TRPM3: variants seen among roughly 807,000 people sequenced by gnomAD.
The protein encoded by TRPM3 is transient receptor potential cation channel subfamily M member 3, also known as long transient receptor potential channel 3.
A neutral mutation model predicts 181.2 loss-of-function variants in TRPM3; 77 were observed. The ratio of observed to expected loss-of-function variants is 0.42; its 90% CI spans 0.35 to 0.51. The LOEUF is 0.51. Among genes scored for constraint, TRPM3 ranks in the 20% least tolerant of loss-of-function variants. The pLI is 0.01. For synonymous variants in TRPM3, 745 were observed against 796.4 expected, an observed-to-expected ratio of 0.94 and a Z score of 1.09; for missense variants, 1,759 against 2,196.7, an observed-to-expected ratio of 0.80 and a Z score of 3.98.
intron 21 of TRPM3, among the ~76,000 whole-genome samples, chr9:70,592,607 T>C (rs2058308203): frequency 6.6e-6 from 1 of 152,182 alleles, no homozygotes; most frequent in South Asian, 2.1e-4. Context: ...AAACATAGAA[T>C]ACAAAAGACT....
At chr9:70,614,315 T>TAAAGAAAAAAAAA (rs2062437302) in intron 18 of TRPM3, among the ~76,000 whole-genome samples, 1 of 126,638 alleles carries the variant, frequency 7.9e-6, no homozygotes, top group Non-Finnish European at 1.7e-5. Context: ...GGCAATCTCT[T>TAAAGAAAAAAAAA]AAAAAAAAAA....
chr9:70,799,152 T>C (rs79987363), intron 6 of TRPM3, among the ~76,000 whole-genome samples: 1,722 of 152,328 alleles, frequency 0.011, 31 homozygotes, highest in African/African-American at 0.039. Flanking sequence ...AAAACTATTA[T>C]TTCCTCCAGC....
At chr9:70,881,508 C>A (rs1213075353) in intron 1 of TRPM3, among the ~76,000 whole-genome samples, 1 of 152,160 alleles carries the variant, frequency 6.6e-6, no homozygotes, top group Non-Finnish European at 1.5e-5. Flanking sequence ...TATGACTTAA[C>A]GCATTGTTTC....
At chr9:71,211,627 C>G (rs536356080) in intron 1 of TRPM3, among the ~76,000 whole-genome samples, 1 of 152,282 alleles carries the variant, frequency 6.6e-6, no homozygotes, top group Non-Finnish European at 1.5e-5. Context: ...TCTCTCCTAT[C>G]TTCTGGTGAT....
chr9:71,084,352 G>T (rs554830146), intron 1 of TRPM3, among the ~76,000 whole-genome samples: 1 of 152,134 alleles, frequency 6.6e-6, no homozygotes, highest in African/African-American at 2.4e-5. Flanking sequence ...AAGTGATCTT[G>T]GGCATGAATG....
intron 1 of TRPM3, among the ~76,000 whole-genome samples, chr9:70,936,711 G>A (rs1349146135): frequency 6.6e-6 from 1 of 152,264 alleles, no homozygotes; most frequent in East Asian, 1.9e-4. Flanking sequence ...TCTTCACCCA[G>A]TAAATAGATT....
intron 1 of TRPM3, among the ~76,000 whole-genome samples, chr9:71,220,983 T>C (rs896992313): frequency 6.6e-6 from 1 of 152,048 alleles, no homozygotes; most frequent in Non-Finnish European, 1.5e-5. Context: ...AATTCCAAGG[T>C]AGTACAATGT....
rs192167684 is a variant in TRPM3 at position 71,270,329 on chromosome 9, G to A, written c.183+176324C>T. On this transcript the variant is annotated intron_variant, in intron 1 of 24. Transcript: ENST00000357533. Reference sequence around the variant, plus strand: ...GGTGCCACTGCACTCTAGCCTGGGCGACAAGAGCGAGACTCCATCTCAAAA... The same window carrying A: ...GGTGCCACTGCACTCTAGCCTGGGCAACAAGAGCGAGACTCCATCTCAAAA... Among the ~76,000 whole-genome samples the A allele has an allele frequency of 2.1e-3, 317 of 152,246 alleles. 1 individual carries two copies. Among genetic ancestry groups the A allele is most frequent in the African/African-American group, 7.3e-3 (304 of 41,544 alleles).
At chr9:70,622,339 G>T (rs982927357) in intron 14 of TRPM3, among the ~76,000 whole-genome samples, 1 of 152,194 alleles carries the variant, frequency 6.6e-6, no homozygotes, top group Non-Finnish European at 1.5e-5. Flanking sequence ...AATGAACAAG[G>T]AAACCTTCTA....
At position 71,430,714 on chromosome 9, in the gene TRPM3, A is replaced by G. The variant is rs538567974; in HGVS notation, c.183+15939T>C. Among the ~76,000 whole-genome samples the G allele has an allele frequency of 4.6e-5, 7 of 152,204 alleles. No individual in the cohort carries two copies. In the South Asian group the frequency reaches 1.5e-3, roughly 32 times the overall value. ...GTAATCCCAGCTGCTGGGAGGCTGG[A>G]GCAGGAGAATCGCTTGAACTCAAGA... On this transcript the variant is annotated intron_variant, in intron 1 of 24. Transcript: ENST00000357533.
At chr9:70,675,212 T>C (rs1283530191) in intron 9 of TRPM3, among the ~76,000 whole-genome samples, 1 of 152,128 alleles carries the variant, frequency 6.6e-6, no homozygotes, top group Non-Finnish European at 1.5e-5. Flanking sequence ...GTGATTCTCC[T>C]GCCTCAGCCT....
In TRPM3 at chr9:71,121,075, C is replaced by A. The variant is rs565107015; in HGVS notation, c.177+103G>T. On this transcript the variant is annotated intron_variant, in intron 1 of 25. Transcript: ENST00000677713. ...CGGACCACAGAGCCAGTACTGCATGCATTTAGGCTCCCCCAAAGGTGCGTC... is the reference window on the plus strand; with the variant it reads ...CGGACCACAGAGCCAGTACTGCATGAATTTAGGCTCCCCCAAAGGTGCGTC... 3,059 of 1,138,114 alleles carry A rather than the reference C, an allele frequency of 2.7e-3. 5 individuals carry two copies. Among genetic ancestry groups the A allele is most frequent in the Non-Finnish European group, 3.5e-3 (2,750 of 786,846 alleles). The allele number at this position is 1,138,114 out of a possible 1,614,324, so 70.5% of individuals were successfully genotyped here.
At chr9:71,247,672 A>G (rs1470033243) in intron 1 of TRPM3, among the ~76,000 whole-genome samples, 3 of 152,078 alleles carry the variant, frequency 2.0e-5, no homozygotes, top group African/African-American at 7.2e-5. Context: ...CTGAACTTTT[A>G]TTTTCTCAGT....
intron 1 of TRPM3, among the ~76,000 whole-genome samples, chr9:71,187,308 A>G (rs1382177655): frequency 1.3e-5 from 2 of 151,964 alleles, no homozygotes; most frequent in Non-Finnish European, 2.9e-5. Context: ...TTCTGTTTCA[A>G]TACATAGTTT....
chr9:71,389,833 G>T (rs1010393391), intron 1 of TRPM3, among the ~76,000 whole-genome samples: 6 of 151,984 alleles, frequency 3.9e-5, no homozygotes, highest in African/African-American at 1.4e-4. Context: ...GGAGTTGAGG[G>T]GAAGAGTAGG....
chr9:70,696,984 T>C (rs993058668), intron 8 of TRPM3, among the ~76,000 whole-genome samples: 26 of 151,938 alleles, frequency 1.7e-4, no homozygotes, highest in Admixed American at 1.6e-3. Context: ...CTTTTTTTTC[T>C]GTTCCTTTTT....
At chr9:71,069,859 C>T (rs1016216146) in intron 1 of TRPM3, among the ~76,000 whole-genome samples, 7 of 149,474 alleles carry the variant, frequency 4.7e-5, no homozygotes, top group Admixed American at 2.7e-4. Flanking sequence ...CCACCCGCCT[C>T]GGCCTCCCAA....
intron 1 of TRPM3, among the ~76,000 whole-genome samples, chr9:71,256,443 C>A (rs1565391155): frequency 6.6e-6 from 1 of 151,868 alleles, no homozygotes; most frequent in Non-Finnish European, 1.5e-5. Context: ...CAGACTGGTA[C>A]ATAAGGAGAA....
intron 1 of TRPM3, among the ~76,000 whole-genome samples, chr9:71,026,423 G>A (rs952103161): frequency 6.6e-6 from 1 of 152,100 alleles, no homozygotes; most frequent in Non-Finnish European, 1.5e-5. Flanking sequence ...GAGCAGCCCC[G>A]ATGAACACGC....
Sources: gnomAD v4.1 joint callset for allele counts (sites outside exome capture counted in the v4.1 genomes callset) on GRCh38, gnomAD v4.1.1 for gene constraint, MANE v1.5 for transcripts, NCBI Gene and HGNC (gene_info 2026-07-23, HGNC 2026-07-21) for gene names.